GPRASP3: variants seen among roughly 807,000 people sequenced by gnomAD.
GPRASP3 encodes the protein G protein-coupled receptor associated sorting protein 3.
the GPRASP3 span, chrX:102,751,261 C>A: frequency 8.1e-6 from 1 of 123,758 alleles, no homozygotes; most frequent in South Asian, 3.7e-4. Context: ...TAGGCTGTTT[C>A]ATTTACATCA....
the GPRASP3 span, among the ~76,000 whole-genome samples, chrX:102,726,492 C>T: frequency 8.1e-5 from 9 of 111,537 alleles, no homozygotes; most frequent in Admixed American, 8.6e-4. Flanking sequence ...CCACCCTTTC[C>T]TTCCTTCCCA....
At chrX:102,737,904 C>T in the GPRASP3 span, among the ~76,000 whole-genome samples, 2 of 110,925 alleles carry the variant, frequency 1.8e-5, no homozygotes, top group Admixed American at 9.6e-5. Flanking sequence ...TACCAGGGAC[C>T]GGTGGGTGAA....
At chrX:102,735,703 C>T in the GPRASP3 span, among the ~76,000 whole-genome samples, 10 of 112,282 alleles carry the variant, frequency 8.9e-5, no homozygotes, top group African/African-American at 2.3e-4. Flanking sequence ...CCACCGCGCC[C>T]GGCTGAATCT....
the GPRASP3 span, among the ~76,000 whole-genome samples, chrX:102,724,782 T>C: frequency 9.1e-6 from 1 of 109,739 alleles, no homozygotes; most frequent in East Asian, 2.9e-4. Flanking sequence ...ATTGCCTTTG[T>C]TCTGACTTGT....
At chrX:102,735,234 A>G in the GPRASP3 span, among the ~76,000 whole-genome samples, 1 of 111,910 alleles carries the variant, frequency 8.9e-6, no homozygotes, top group Non-Finnish European at 1.9e-5. Context: ...ATGTCCGACC[A>G]TAAGGTAAGA....
chrX:102,749,923 T>A, the GPRASP3 span: 14 of 1,208,052 alleles, frequency 1.2e-5, no homozygotes, highest in Non-Finnish European at 1.6e-5. Flanking sequence ...GATTAAGCCA[T>A]TTGCTTGTCC....
At chrX:102,744,921 A>AAGGGTACTTTCATTC in the GPRASP3 span, among the ~76,000 whole-genome samples, 4 of 111,837 alleles carry the variant, frequency 3.6e-5, no homozygotes, top group African/African-American at 1.3e-4. Context: ...ACAATACCAA[A>AAGGGTACTTTCATTC]AGGGTACTTT....
the GPRASP3 span, among the ~76,000 whole-genome samples, chrX:102,732,397 G>A: frequency 9.1e-6 from 1 of 110,105 alleles, no homozygotes; most frequent in Non-Finnish European, 1.9e-5. Flanking sequence ...GGGGTCCCCT[G>A]TAGAAGGGTG....
the GPRASP3 span, chrX:102,749,146 A>G: frequency 5.0e-6 from 6 of 1,210,820 alleles, no homozygotes; most frequent in African/African-American, 1.0e-4. Context: ...GACAGGGTCT[A>G]AGACAGATGC....
chrX:102,740,449 T>C, the GPRASP3 span, among the ~76,000 whole-genome samples: 3 of 112,220 alleles, frequency 2.7e-5, no homozygotes, highest in East Asian at 5.6e-4. Flanking sequence ...GTTATAGAGC[T>C]TGGGGCCCAA....
At chrX:102,741,339 C>T in the GPRASP3 span, among the ~76,000 whole-genome samples, 2 of 111,973 alleles carry the variant, frequency 1.8e-5, no homozygotes, top group Non-Finnish European at 1.9e-5. Flanking sequence ...GTGTGGGCTG[C>T]CTGCATGCAA....
chrX:102,733,511 G>T, the GPRASP3 span, among the ~76,000 whole-genome samples: 1 of 108,509 alleles, frequency 9.2e-6, no homozygotes, highest in Non-Finnish European at 1.9e-5. Context: ...GGAAAAATCA[G>T]GTAGCGAGAA....
At chrX:102,726,594 G>C in the GPRASP3 span, among the ~76,000 whole-genome samples, 1 of 111,469 alleles carries the variant, frequency 9.0e-6, no homozygotes, top group Non-Finnish European at 1.9e-5. Flanking sequence ...CCCAACTCTG[G>C]ATAAATCTCA....
chrX:102,740,884 AAAAAG>A, the GPRASP3 span, among the ~76,000 whole-genome samples: 1 of 111,065 alleles, frequency 9.0e-6, no homozygotes, highest in Non-Finnish European at 1.9e-5. Context: ...AAAAGAAAAG[AAAAAG>A]AAAAGAAGAA....
chrX:102,749,267 A>G, the GPRASP3 span: 1 of 1,211,449 alleles, frequency 8.3e-7, no homozygotes, highest in African/African-American at 1.7e-5. Flanking sequence ...TTCACTCCCA[A>G]GGCTGGGAAT....
the GPRASP3 span, among the ~76,000 whole-genome samples, chrX:102,728,835 C>T: frequency 9.0e-6 from 1 of 111,058 alleles, no homozygotes; most frequent in Admixed American, 9.6e-5. Flanking sequence ...TGCTCCTGTA[C>T]TTACAACCAG....
At chrX:102,750,943 T>C in the GPRASP3 span, 4 of 187,178 alleles carry the variant, frequency 2.1e-5, no homozygotes, top group Non-Finnish European at 3.2e-5. Flanking sequence ...AAAATATCCT[T>C]GAGTTTGTAA....
At chrX:102,753,239 G>A in the GPRASP3 span, 1 of 123,323 alleles carries the variant, frequency 8.1e-6, no homozygotes, top group Non-Finnish European at 1.9e-5. Flanking sequence ...GTACTCTTTG[G>A]TCGGGAGGGG....
chrX:102,727,819 AG>A, the GPRASP3 span, among the ~76,000 whole-genome samples: 1 of 112,759 alleles, frequency 8.9e-6, no homozygotes, highest in Non-Finnish European at 1.9e-5. Context: ...TAGTTTTCTC[AG>A]TATACACAAT....
Sources: gnomAD v4.1 joint callset for allele counts (sites outside exome capture counted in the v4.1 genomes callset) on GRCh38, gnomAD v4.1.1 for gene constraint, MANE v1.5 for transcripts, NCBI Gene and HGNC (gene_info 2026-07-23, HGNC 2026-07-21) for gene names.